The following PTPRM variants were observed in gnomAD, a reference collection of about 807,000 sequenced individuals.
PTPRM encodes the protein protein tyrosine phosphatase receptor type M, also known as receptor-type tyrosine-protein phosphatase mu.
Under a neutral mutation model 186.7 loss-of-function variants are expected in PTPRM, and 47 were observed. The observed-to-expected ratio is 0.25, with a 90% confidence interval of 0.20 to 0.32. The LOEUF is 0.32. Among genes scored for constraint, PTPRM ranks in the 10% least tolerant of loss-of-function variants. The pLI is 1.00. For missense variants in PTPRM, 1,494 were observed against 1,865.0 expected (o/e 0.80, Z 3.66); for synonymous variants, 668 against 674.9 (o/e 0.99, Z 0.16).
At chr18:7,862,836 G>T (rs919911905) in intron 2 of PTPRM, among the ~76,000 whole-genome samples, 1 of 152,050 alleles carries the variant, frequency 6.6e-6, no homozygotes, top group Non-Finnish European at 1.5e-5. Flanking sequence ...AACAGGTCTC[G>T]GTATGCAGCC....
At chr18:7,637,155 G>A (rs1487398285) in intron 1 of PTPRM, among the ~76,000 whole-genome samples, 1 of 137,144 alleles carries the variant, frequency 7.3e-6, no homozygotes, top group African/African-American at 2.9e-5. Flanking sequence ...GTGACAGAGC[G>A]AGACCCTGAC....
At chr18:7,999,108 G>A (rs1481415719) in intron 7 of PTPRM, among the ~76,000 whole-genome samples, 4 of 152,116 alleles carry the variant, frequency 2.6e-5, no homozygotes, top group Admixed American at 6.6e-5. Context: ...GGTGGGAACC[G>A]CCCTGGACAG....
intron 2 of PTPRM, among the ~76,000 whole-genome samples, chr18:7,807,114 C>T (rs1247938282): frequency 1.3e-5 from 2 of 152,150 alleles, no homozygotes; most frequent in African/African-American, 4.8e-5. Flanking sequence ...CTAGATTTTT[C>T]TCCTATGCTA....
At chr18:7,590,750 CTTAA>C (rs147415816) in intron 1 of PTPRM, among the ~76,000 whole-genome samples, 8,560 of 152,166 alleles carry the variant, frequency 0.056, 375 homozygotes, top group East Asian at 0.13. Context: ...GCTGGTACTA[CTTAA>C]TTATTTAACA....
At position 7,882,973 on chromosome 18, in the gene PTPRM, G is replaced by T. The variant is rs186406772; in HGVS notation, c.197-5133G>T. Among the ~76,000 whole-genome samples, 4 of 152,336 alleles carry T rather than the reference G, an allele frequency of 2.6e-5. No homozygotes were observed. In the East Asian group the frequency reaches 5.8e-4, roughly 22 times the overall value. The stretch of plus-strand genomic sequence containing the variant: ...CCAGAGATTTGAGAATGTGAACATT[G>T]CATGTTCTTATCAAAGAGTTTTCCT... On this transcript the variant is annotated intron_variant, in intron 2 of 32. Transcript: ENST00000580170.
At chr18:7,787,689 G>A (rs1198127135) in intron 2 of PTPRM, among the ~76,000 whole-genome samples, 3 of 152,190 alleles carry the variant, frequency 2.0e-5, no homozygotes, top group Admixed American at 1.3e-4. Context: ...TGAGAAATAA[G>A]CTGTGTTGTA....
intron 7 of PTPRM, among the ~76,000 whole-genome samples, chr18:7,991,262 T>C (rs1307847658): frequency 1.3e-5 from 2 of 152,204 alleles, no homozygotes; most frequent in African/African-American, 4.8e-5. Flanking sequence ...AAATAGGGGA[T>C]GTCATGGTTG....
At chr18:8,310,786 G>T (rs532255961) in intron 20 of PTPRM, among the ~76,000 whole-genome samples, 1 of 152,068 alleles carries the variant, frequency 6.6e-6, no homozygotes, top group Non-Finnish European at 1.5e-5. Context: ...AATCTAATTT[G>T]TTTAACACTA....
At chr18:8,207,099 T>A (rs910258032) in intron 14 of PTPRM, among the ~76,000 whole-genome samples, 27 of 152,174 alleles carry the variant, frequency 1.8e-4, no homozygotes, top group African/African-American at 6.0e-4. Context: ...CTGGTTCTGA[T>A]CCGCCCAATT....
At chr18:7,855,050 G>T (rs568470088) in intron 2 of PTPRM, among the ~76,000 whole-genome samples, 2 of 152,074 alleles carry the variant, frequency 1.3e-5, no homozygotes, top group African/African-American at 4.8e-5. Flanking sequence ...AGAATTTACC[G>T]CTCTATTTAC....
At chr18:7,608,977 G>C (rs909211149) in intron 1 of PTPRM, among the ~76,000 whole-genome samples, 4 of 152,182 alleles carry the variant, frequency 2.6e-5, no homozygotes, top group Non-Finnish European at 2.9e-5. Context: ...ACCCCATAAG[G>C]TCGACTGATT....
chr18:8,003,538 C>T (rs950038467), intron 7 of PTPRM, among the ~76,000 whole-genome samples: 9 of 152,232 alleles, frequency 5.9e-5, no homozygotes, highest in African/African-American at 2.2e-4. Flanking sequence ...CTGATGACTA[C>T]ACTTGCAGAA....
intron 1 of PTPRM, among the ~76,000 whole-genome samples, chr18:7,662,309 C>G (rs562211888): frequency 6.6e-6 from 1 of 152,112 alleles, no homozygotes; most frequent in South Asian, 2.1e-4. Context: ...TGGAAGCAAT[C>G]TAAGTGTGTA....
chr18:7,882,329 A>G (rs926065465), intron 2 of PTPRM, among the ~76,000 whole-genome samples: 29 of 152,198 alleles, frequency 1.9e-4, no homozygotes, highest in African/African-American at 6.8e-4. Context: ...TAAAAAAACA[A>G]CAACAACTGG....
intron 2 of PTPRM, among the ~76,000 whole-genome samples, chr18:7,786,524 G>T (rs1428010138): frequency 6.6e-6 from 1 of 152,014 alleles, no homozygotes; most frequent in Non-Finnish European, 1.5e-5. Context: ...GAAATCCTTG[G>T]CATAAAACTT....
chr18:8,025,739 T>C (rs1245863366), intron 7 of PTPRM, among the ~76,000 whole-genome samples: 1 of 152,192 alleles, frequency 6.6e-6, no homozygotes, highest in Non-Finnish European at 1.5e-5. Flanking sequence ...GGAACAAAAG[T>C]AATTAAACCA....
chr18:7,619,447 C>T (rs1044530287), intron 1 of PTPRM, among the ~76,000 whole-genome samples: 5 of 152,146 alleles, frequency 3.3e-5, no homozygotes, highest in African/African-American at 1.2e-4. Flanking sequence ...AGAATATTTT[C>T]AGTACAGATG....
intron 2 of PTPRM, among the ~76,000 whole-genome samples, chr18:7,793,972 C>T (rs1333683279): frequency 6.6e-5 from 10 of 152,290 alleles, no homozygotes; most frequent in African/African-American, 1.2e-4. Flanking sequence ...GACACTGGCA[C>T]GCCTTCGGCC....
At chr18:8,248,015 C>T in intron 16 of PTPRM, 96 bp downstream of exon 16, 1 of 1,368,084 alleles carries the variant, frequency 7.3e-7, no homozygotes, top group South Asian at 1.2e-5. Flanking sequence ...GAGGGGCTTA[C>T]TGTGTTTGAG....
Sources: gnomAD v4.1 joint callset for allele counts (sites outside exome capture counted in the v4.1 genomes callset) on GRCh38, gnomAD v4.1.1 for gene constraint, MANE v1.5 for transcripts, NCBI Gene and HGNC (gene_info 2026-07-23, HGNC 2026-07-21) for gene names.